Variants in DENND1A observed in about 807,000 individuals in gnomAD.
DENND1A encodes DENN domain containing 1A.
DENND1A carries 51 observed loss-of-function variants against 113.7 expected under a neutral mutation model. The ratio of observed to expected loss-of-function variants is 0.45; its 90% CI spans 0.36 to 0.57. The LOEUF is 0.57. DENND1A is among the 20% of genes least tolerant of loss of function. DENND1A has a pLI of 0.00. For missense variants in DENND1A, 1,258 were observed against 1,395.9 expected (o/e 0.90, Z 1.57); for synonymous variants, 565 against 570.8 (o/e 0.99, Z 0.14).
At chr9:123,704,835 G>A (rs1237379770) in intron 5 of DENND1A, among the ~76,000 whole-genome samples, 3 of 152,168 alleles carry the variant, frequency 2.0e-5, no homozygotes, top group Middle Eastern at 6.8e-3. Context: ...GAGTAAAAGT[G>A]GCATTAGTGA....
intron 13 of DENND1A, among the ~76,000 whole-genome samples, chr9:123,513,768 T>C (rs564100565): frequency 6.6e-6 from 1 of 152,334 alleles, no homozygotes. Flanking sequence ...TCAATCCAGA[T>C]GGATTTACTG....
chr9:123,530,947 A>G (rs1469211053), intron 13 of DENND1A, among the ~76,000 whole-genome samples: 1 of 152,224 alleles, frequency 6.6e-6, no homozygotes, highest in Admixed American at 6.5e-5. Flanking sequence ...CTTATTGTAC[A>G]TAATATTTTT....
At chr9:123,901,174 G>C (rs1481823589) in intron 1 of DENND1A, among the ~76,000 whole-genome samples, 1 of 152,142 alleles carries the variant, frequency 6.6e-6, no homozygotes, top group African/African-American at 2.4e-5. Context: ...GCTCACCCTG[G>C]ATACTGTACA....
At chr9:123,897,709 C>T (rs1347103898) in intron 1 of DENND1A, among the ~76,000 whole-genome samples, 1 of 152,152 alleles carries the variant, frequency 6.6e-6, no homozygotes, top group African/African-American at 2.4e-5. Context: ...TGGCTCACAC[C>T]TGTAAACTCA....
chr9:123,588,710 G>T (rs1407587644), intron 11 of DENND1A, among the ~76,000 whole-genome samples: 7 of 150,800 alleles, frequency 4.6e-5, no homozygotes, highest in African/African-American at 1.7e-4. Flanking sequence ...CAATGTTTTG[G>T]TCTATTTCCT....
At chr9:123,620,406 A>C (rs575576969) in intron 10 of DENND1A, among the ~76,000 whole-genome samples, 1 of 152,050 alleles carries the variant, frequency 6.6e-6, no homozygotes, top group Non-Finnish European at 1.5e-5. Context: ...ACTTGGTGCC[A>C]GGCTCCTCAT....
At chr9:123,515,796 G>A (rs2134740991) in intron 13 of DENND1A, among the ~76,000 whole-genome samples, 1 of 152,294 alleles carries the variant, frequency 6.6e-6, no homozygotes, top group Non-Finnish European at 1.5e-5. Context: ...CAGCACTTTG[G>A]GAGGCTGAGG....
intron 13 of DENND1A, among the ~76,000 whole-genome samples, chr9:123,485,355 G>A (rs1404477245): frequency 6.6e-6 from 1 of 152,184 alleles, no homozygotes; most frequent in Non-Finnish European, 1.5e-5. Context: ...AGGTATTTTT[G>A]CCTCTTATTC....
Position 123,745,970 on chromosome 9 carries a change from TCA to T in DENND1A, c.302+11731_302+11732del, listed in dbSNP as rs768721091. Among the ~76,000 whole-genome samples, 6 of 152,266 alleles carry T rather than the reference TCA, an allele frequency of 3.9e-5. No homozygotes were observed. In the East Asian group the frequency reaches 9.6e-4, roughly 24 times the overall value. ...ACAATTCTAAATTGCATAATGCAAC[TCA>T]CAGAGTTCAAAACCAAACAAAGCTA... On this transcript the variant is annotated intron_variant, in intron 5 of 23. Transcript: ENST00000394215.
intron 19 of DENND1A, among the ~76,000 whole-genome samples, chr9:123,421,602 T>C (rs1443943715): frequency 6.6e-6 from 1 of 152,172 alleles, no homozygotes; most frequent in Non-Finnish European, 1.5e-5. Flanking sequence ...AGTGAGAATT[T>C]GCTCAGTACA....
chr9:123,480,777 C>T (rs899526886), intron 13 of DENND1A, among the ~76,000 whole-genome samples: 11 of 152,200 alleles, frequency 7.2e-5, no homozygotes, highest in Non-Finnish European at 1.3e-4. Context: ...CAGCCTGGCA[C>T]ACAATGGCAC....
At chr9:123,465,498 G>A (rs1303740793) in intron 13 of DENND1A, among the ~76,000 whole-genome samples, 4 of 152,022 alleles carry the variant, frequency 2.6e-5, no homozygotes, top group African/African-American at 4.8e-5. Flanking sequence ...GTCCCTCCTC[G>A]TCTGTGACAA....
intron 11 of DENND1A, among the ~76,000 whole-genome samples, chr9:123,599,267 C>T (rs2059838186): frequency 6.6e-6 from 1 of 152,152 alleles, no homozygotes; most frequent in Admixed American, 6.5e-5. Flanking sequence ...GAGAATCAAA[C>T]AATATGTAAA....
intron 5 of DENND1A, among the ~76,000 whole-genome samples, chr9:123,683,999 G>A: frequency 6.6e-6 from 1 of 152,150 alleles, no homozygotes; most frequent in East Asian, 1.9e-4. Flanking sequence ...ATGTCCTGCT[G>A]GAGTCTGGGA....
rs143181356 is a variant in DENND1A, at chr9:123,893,793, G to A, written c.18-14772C>T. Among the ~76,000 whole-genome samples, 132 of 152,242 alleles carry A rather than the reference G, an allele frequency of 8.7e-4. 1 individual carries two copies. The highest frequency in any genetic ancestry group is 3.0e-3 in the African/African-American group (125 of 41,532). On this transcript the variant is annotated intron_variant, in intron 1 of 23. Coordinates refer to ENST00000394215, the MANE Select transcript of DENND1A (RefSeq NM_001352964.2). ...AGCCCAGGTCTGTTCTTACTTCAAA[G>A]GGCATGCTCTTTATCATAATTTCCC...
intron 5 of DENND1A, among the ~76,000 whole-genome samples, chr9:123,690,092 G>C (rs7026206): frequency 9.9e-6 from 1 of 100,670 alleles, no homozygotes; most frequent in Non-Finnish European, 2.1e-5. Context: ...AAAGGAGGGA[G>C]GGAGGGAGGG....
At chr9:123,402,806 C>T (rs371818512) in intron 21 of DENND1A, among the ~76,000 whole-genome samples, 3 of 152,346 alleles carry the variant, frequency 2.0e-5, no homozygotes, top group East Asian at 3.9e-4. Flanking sequence ...TCTTTCTGCC[C>T]CCCTCATTCA....
intron 19 of DENND1A, among the ~76,000 whole-genome samples, chr9:123,424,530 A>G (rs1332699533): frequency 6.6e-6 from 1 of 152,132 alleles, no homozygotes; most frequent in African/African-American, 2.4e-5. Context: ...CTCTGCCTCA[A>G]CTACTTCCAT....
chr9:123,527,728 C>T (rs1282639376), intron 13 of DENND1A, among the ~76,000 whole-genome samples: 1 of 152,170 alleles, frequency 6.6e-6, no homozygotes, highest in African/African-American at 2.4e-5. Flanking sequence ...GCCATCAACC[C>T]AGTGCCCAAT....
Sources: allele counts gnomAD v4.1 joint callset (sites outside exome capture counted in the v4.1 genomes callset), GRCh38; gene constraint gnomAD v4.1.1; transcripts MANE v1.5; gene names NCBI Gene and HGNC (gene_info 2026-07-23, HGNC 2026-07-21).